The following SRGAP3 variants were observed in gnomAD, a reference collection of about 807,000 sequenced individuals.
SRGAP3 encodes the protein SLIT-ROBO Rho GTPase-activating protein 3.
In SRGAP3, 39 loss-of-function variants were observed where a neutral mutation model predicts 121.1. That is an observed-to-expected ratio of 0.32 (90% CI 0.25 to 0.42). SRGAP3 has a LOEUF of 0.42. Ranked by LOEUF, SRGAP3 falls within the 10% of genes least tolerant of loss-of-function variation. SRGAP3 has a pLI of 1.00. For missense variants in SRGAP3, 1,213 were observed against 1,470.6 expected (o/e 0.82, Z 2.86); for synonymous variants, 601 against 570.0 (o/e 1.05, Z -0.77).
chr3:9,104,887 A>C (rs774001099), intron 2 of SRGAP3, 45 bp from the exon 3 acceptor site: 1 of 1,612,564 alleles, frequency 6.2e-7, no homozygotes, highest in African/African-American at 1.3e-5. Context: ...TGGAACTGTC[A>C]TCCAACAGTG....
intron 1 of SRGAP3, among the ~76,000 whole-genome samples, chr3:9,246,060 G>A (rs1953811356): frequency 6.6e-6 from 1 of 152,102 alleles, no homozygotes; most frequent in South Asian, 2.1e-4. Flanking sequence ...TAATCAAAAG[G>A]CTTCAAGTAT....
rs577703092 is a variant in SRGAP3, at chr3:9,305,641, T to G, written n.442+20369A>C. 4.7e-3 allele frequency among the ~76,000 whole-genome samples: 719 copies of G among 152,126 alleles called. 6 individuals carry two copies. Among genetic ancestry groups the G allele is most frequent in the African/African-American group, 0.016 (678 of 41,484 alleles). On this transcript the variant is annotated intron_variant and non_coding_transcript_variant, in intron 3 of 3. Coordinates refer to the SRGAP3 transcript ENST00000490889. ...GTTCTCATTGTTCAATTCCCACCTA[T>G]AAGTGAGAACATGCAGTGTTTGGTT...
intron 1 of SRGAP3, among the ~76,000 whole-genome samples, chr3:9,147,483 G>A (rs1403449530): frequency 6.6e-6 from 1 of 152,090 alleles, no homozygotes; most frequent in Non-Finnish European, 1.5e-5. Flanking sequence ...AGGTGCTGTA[G>A]CCACAACCTG....
intron 2 of SRGAP3, among the ~76,000 whole-genome samples, chr3:9,121,483 C>G (rs1381150652): frequency 3.3e-5 from 5 of 152,184 alleles, no homozygotes; most frequent in Non-Finnish European, 1.5e-5. Flanking sequence ...GACTCCACTT[C>G]CAGAAGCGGA....
At chr3:9,090,782 A>T (rs2124850724) in intron 3 of SRGAP3, among the ~76,000 whole-genome samples, 1 of 152,240 alleles carries the variant, frequency 6.6e-6, no homozygotes, top group East Asian at 1.9e-4. Context: ...GATTACTGGC[A>T]TGCACCACCA....
rs1948529335 is a variant in SRGAP3 at position 9,109,246 on chromosome 3, G to A, written c.261-4404C>T. Among the ~76,000 whole-genome samples, 1 of 152,150 alleles carries A rather than the reference G, an allele frequency of 6.6e-6. No individual in the cohort carries two copies. The highest frequency in any genetic ancestry group is 2.4e-5 in the African/African-American group (1 of 41,428). The stretch of plus-strand genomic sequence containing the variant: ...ACAGCCAGAAGGTGAGTTTCAGAGG[G>A]AAGGAAAAAGACAACTGATCTGGAA... On this transcript the variant is annotated intron_variant, in intron 2 of 21. Transcript: ENST00000383836. The surrounding 1 kb of genome is among the most constrained non-coding windows in gnomAD (Gnocchi z 4.4).
intron 1 of SRGAP3, among the ~76,000 whole-genome samples, chr3:9,229,381 C>T (rs1325966238): frequency 6.6e-6 from 1 of 152,146 alleles, no homozygotes; most frequent in Non-Finnish European, 1.5e-5. Context: ...CAGCTGTCCC[C>T]CAAGGCTGAC....
intron 1 of SRGAP3, among the ~76,000 whole-genome samples, chr3:9,140,446 C>T (rs1949808525): frequency 6.6e-6 from 1 of 152,098 alleles, no homozygotes; most frequent in Admixed American, 6.5e-5. Context: ...AGAATATACA[C>T]CAAAATGTTA....
At chr3:9,266,874 T>A (rs1255229919) in intron 3 of SRGAP3, among the ~76,000 whole-genome samples, 1 of 152,148 alleles carries the variant, frequency 6.6e-6, no homozygotes, top group African/African-American at 2.4e-5. Context: ...TGGAAGTGAG[T>A]GGCTTGGCCT....
At chr3:9,198,538 T>C (rs918939287) in intron 1 of SRGAP3, among the ~76,000 whole-genome samples, 1 of 152,224 alleles carries the variant, frequency 6.6e-6, no homozygotes, top group Non-Finnish European at 1.5e-5. Flanking sequence ...AGTACTGTCT[T>C]GAAACTCTTA....
At chr3:9,085,863 A>T (rs1947445511) in intron 3 of SRGAP3, among the ~76,000 whole-genome samples, 1 of 152,198 alleles carries the variant, frequency 6.6e-6, no homozygotes, top group South Asian at 2.1e-4. Flanking sequence ...AATGGATACA[A>T]GGCTAAAAAC....
intron 1 of SRGAP3, among the ~76,000 whole-genome samples, chr3:9,237,827 A>C (rs370847058): frequency 6.6e-6 from 1 of 152,160 alleles, no homozygotes; most frequent in African/African-American, 2.4e-5. Flanking sequence ...GATGCTACTG[A>C]AGGGTTTTAA....
intron 8 of SRGAP3, among the ~76,000 whole-genome samples, chr3:9,053,849 C>T (rs965128474): frequency 2.6e-5 from 4 of 152,228 alleles, no homozygotes; most frequent in Non-Finnish European, 5.9e-5. Flanking sequence ...GGCCCACGGG[C>T]CCTGACCTTA....
chr3:9,138,073 T>C (rs1949727582), intron 1 of SRGAP3, among the ~76,000 whole-genome samples: 1 of 152,266 alleles, frequency 6.6e-6, no homozygotes, highest in Admixed American at 6.5e-5. Context: ...TTTATCTTTA[T>C]GTTTTTAATC....
At chr3:9,245,607 A>T (rs1287416950) in intron 1 of SRGAP3, among the ~76,000 whole-genome samples, 1 of 152,198 alleles carries the variant, frequency 6.6e-6, no homozygotes, top group East Asian at 1.9e-4. Context: ...GATGAGAGAC[A>T]TATTCAATGC....
chr3:9,277,861 G>T (rs1171519277), intron 3 of SRGAP3, among the ~76,000 whole-genome samples: 1 of 152,160 alleles, frequency 6.6e-6, no homozygotes, highest in Admixed American at 6.6e-5. Flanking sequence ...CTAATAAGAT[G>T]ATAGTATTAG....
intron 13 of SRGAP3, among the ~76,000 whole-genome samples, chr3:9,026,477 G>T (rs1018845570): frequency 2.6e-5 from 4 of 152,164 alleles, no homozygotes; most frequent in Admixed American, 1.3e-4. Flanking sequence ...TTATGTTCTG[G>T]TGACACCATG....
At chr3:9,046,529 A>T (rs959026317) in intron 10 of SRGAP3, among the ~76,000 whole-genome samples, 9 of 152,376 alleles carry the variant, frequency 5.9e-5, no homozygotes, top group African/African-American at 2.2e-4. Context: ...GTGCCGTGAC[A>T]GCAGCTGGGA....
chr3:9,198,246 C>A (rs1220393857), intron 1 of SRGAP3, among the ~76,000 whole-genome samples: 1 of 152,126 alleles, frequency 6.6e-6, no homozygotes, highest in African/African-American at 2.4e-5. Context: ...GTCTACATGG[C>A]CTTAGCTACA....
Sources: allele counts gnomAD v4.1 joint callset (sites outside exome capture counted in the v4.1 genomes callset), GRCh38; gene constraint gnomAD v4.1.1; non-coding constraint Gnocchi (gnomAD v3.1); transcripts MANE v1.5; gene names NCBI Gene and HGNC (gene_info 2026-07-23, HGNC 2026-07-21).